The following ZNF341 variants were observed in gnomAD, a reference collection of about 807,000 sequenced individuals.
The protein encoded by ZNF341 is zinc finger protein 341.
ZNF341 carries 52 observed loss-of-function variants against 87.7 expected under a neutral mutation model. The observed-to-expected ratio is 0.59, with a 90% CI of 0.47 to 0.75. The LOEUF is 0.75. ZNF341 is among the 30% of genes least tolerant of loss of function. The pLI is 0.00. For missense variants in ZNF341, 977 were observed against 1,145.9 expected, an observed-to-expected ratio of 0.85 and a Z score of 2.13; for synonymous variants, 459 against 472.7, an observed-to-expected ratio of 0.97 and a Z score of 0.38.
intron 10 of ZNF341, 31 bp downstream of exon 10, chr20:33,770,323 T>TG: frequency 2.3e-6 from 1 of 429,726 alleles, no homozygotes; most frequent in Non-Finnish European, 4.7e-6. Flanking sequence ...TCTCCCTGGG[T>TG]GGACGGGTGG....
At chr20:33,733,173 A>C (rs1221377543) in intron 1 of ZNF341, among the ~76,000 whole-genome samples, 1 of 141,168 alleles carries the variant, frequency 7.1e-6, no homozygotes, top group East Asian at 2.1e-4. Context: ...CCGCCTCCTG[A>C]GTAGCTGGGA....
chr20:33,786,025 AC>A (rs1470794670), intron 12 of ZNF341, among the ~76,000 whole-genome samples: 1 of 118,944 alleles, frequency 8.4e-6, no homozygotes, highest in African/African-American at 3.3e-5. Flanking sequence ...CTATGTATGA[AC>A]CTTTTTTTTT....
chr20:33,771,883 C>T (rs777977801), intron 10 of ZNF341, among the ~76,000 whole-genome samples: 5 of 151,408 alleles, frequency 3.3e-5, no homozygotes, highest in Non-Finnish European at 7.4e-5. Flanking sequence ...GGTGTGTTGG[C>T]ACGCACCCGT....
Position 33,764,563 on chromosome 20 carries a change from T to A in ZNF341, c.1223-2288T>A, listed in dbSNP as rs866779419. Among the ~76,000 whole-genome samples, 210 of 48,512 alleles carry A rather than the reference T, an allele frequency of 4.3e-3. 1 individual carries two copies. Among genetic ancestry groups the A allele is most frequent in the African/African-American group, 0.017 (89 of 5,390 alleles). 31.8% of individuals were successfully genotyped at this position (48,512 alleles called of 152,430 possible). ...TATGTGTATATATATATATATATAT[T>A]TTTTTTTTTTTTTTTTTTTTTTTTT... On this transcript the variant is annotated intron_variant, in intron 8 of 14. Coordinates refer to ENST00000375200, the MANE Select transcript of ZNF341 (RefSeq NM_001282933.2).
chr20:33,765,018 G>C (rs568970968), intron 8 of ZNF341, among the ~76,000 whole-genome samples: 5 of 152,100 alleles, frequency 3.3e-5, no homozygotes, highest in African/African-American at 1.2e-4. Flanking sequence ...TGTAGAGACA[G>C]GGTCTTGCTT....
intron 12 of ZNF341, among the ~76,000 whole-genome samples, chr20:33,786,694 C>T (rs147306257): frequency 3.3e-5 from 5 of 152,136 alleles, no homozygotes; most frequent in Admixed American, 6.5e-5. Flanking sequence ...TGCTGCCAGG[C>T]GCGGTGGCTC....
intron 1 of ZNF341, among the ~76,000 whole-genome samples, chr20:33,737,897 G>A (rs1036285195): frequency 8.5e-5 from 13 of 152,056 alleles, no homozygotes; most frequent in Non-Finnish European, 5.9e-5. Flanking sequence ...CAGCACTTTG[G>A]GAGGTCAAGG....
At chr20:33,753,570 C>T in intron 5 of ZNF341, 147 bp downstream of exon 5, 2 of 1,073,006 alleles carry the variant, frequency 1.9e-6, no homozygotes, top group Non-Finnish European at 2.6e-6. Flanking sequence ...TGGGGTGTAC[C>T]ACATCACAGG....
chr20:33,743,936 G>A (rs769148807), intron 2 of ZNF341, among the ~76,000 whole-genome samples: 7 of 152,222 alleles, frequency 4.6e-5, no homozygotes, highest in Non-Finnish European at 8.8e-5. Flanking sequence ...TAAGAAAACT[G>A]TTATATGATA....
chr20:33,738,621 G>T (rs976778999), intron 1 of ZNF341, among the ~76,000 whole-genome samples: 2 of 152,210 alleles, frequency 1.3e-5, no homozygotes, highest in African/African-American at 4.8e-5. Context: ...TTCAAAGGTG[G>T]TTCCAGATAG....
chr20:33,736,986 GGA>G (rs1288518512), intron 1 of ZNF341, among the ~76,000 whole-genome samples: 5 of 152,294 alleles, frequency 3.3e-5, no homozygotes, highest in African/African-American at 9.6e-5. Context: ...GGGGTGGCCA[GGA>G]GAAGAGAGTA....
chr20:33,757,111 T>C (rs756752363), intron 5 of ZNF341, 37 bp from the exon 6 acceptor site: 6 of 1,374,650 alleles, frequency 4.4e-6, no homozygotes, highest in Non-Finnish European at 5.7e-6. Context: ...TCCCCTTCCC[T>C]GGCAGGGCTT....
chr20:33,784,084 C>G (rs2019800237), intron 12 of ZNF341, among the ~76,000 whole-genome samples: 1 of 115,282 alleles, frequency 8.7e-6, no homozygotes, highest in Non-Finnish European at 1.8e-5. Flanking sequence ...CCCTCCTCCT[C>G]CCCATCTCCT....
intron 10 of ZNF341, 146 bp downstream of exon 10, chr20:33,770,438 G>T (rs2019507689): frequency 6.6e-6 from 5 of 757,256 alleles, no homozygotes; most frequent in South Asian, 1.9e-5. Context: ...GTCCAGCCTG[G>T]CAGAGTGGGT....
chr20:33,736,215 G>A (rs2018682056), intron 1 of ZNF341, among the ~76,000 whole-genome samples: 1 of 149,500 alleles, frequency 6.7e-6, no homozygotes, highest in Middle Eastern at 3.2e-3. Context: ...CTACCTTCTG[G>A]CCCTCCTCCC....
intron 8 of ZNF341, among the ~76,000 whole-genome samples, chr20:33,765,925 C>T (rs993442703): frequency 6.6e-6 from 1 of 152,134 alleles, no homozygotes; most frequent in African/African-American, 2.4e-5. Flanking sequence ...TCTTGTTGCC[C>T]AGGCTGGAGT....
chr20:33,757,423 A>G (rs1023249745), intron 6 of ZNF341, 80 bp downstream of exon 6: 3 of 1,255,056 alleles, frequency 2.4e-6, no homozygotes, highest in Admixed American at 3.3e-5. Flanking sequence ...CTTCCCTTTT[A>G]TGGTTGTTCA....
At chr20:33,749,310 TG>T (rs1420611393) in intron 4 of ZNF341, among the ~76,000 whole-genome samples, 7 of 152,122 alleles carry the variant, frequency 4.6e-5, no homozygotes, top group African/African-American at 1.7e-4. Flanking sequence ...CTTTTTTTTT[TG>T]AGATGGAGTC....
chr20:33,739,488 G>A (rs900804921), intron 1 of ZNF341, among the ~76,000 whole-genome samples: 14 of 152,198 alleles, frequency 9.2e-5, no homozygotes, highest in Non-Finnish European at 2.1e-4. Flanking sequence ...GTGTACTACT[G>A]TGAACTTCAA....
Sources: allele counts gnomAD v4.1 joint callset (sites outside exome capture counted in the v4.1 genomes callset), GRCh38; gene constraint gnomAD v4.1.1; transcripts MANE v1.5; gene names NCBI Gene and HGNC (gene_info 2026-07-23, HGNC 2026-07-21).